The following MGARP variants were observed in gnomAD, a reference collection of about 807,000 sequenced individuals.
The protein encoded by MGARP is protein MGARP.
In MGARP, 12 loss-of-function variants were observed where a neutral mutation model predicts 11.0. The observed-to-expected ratio is 1.09, with a 90% confidence interval of 0.70 to 1.77. The LOEUF is 1.77. MGARP is among the 40% of genes most tolerant of loss of function. MGARP has a pLI of 0.00. For synonymous variants in MGARP, 110 were observed against 115.4 expected (o/e 0.95, Z 0.30); for missense variants, 283 against 297.8 (o/e 0.95, Z 0.36).
In MGARP at chr4:139,277,562, C is replaced by T. The variant is rs567432612; in HGVS notation, c.83-2170G>A. ...ACTTAAATACAAATACAATGATGGA[C>T]AAGTTACTTAAAAAGACAATGAAAT... is the stretch of plus-strand genomic sequence containing the variant. On this transcript the variant is annotated intron_variant, in intron 1 of 3. Transcript: ENST00000398955. Among the ~76,000 whole-genome samples the T allele has an allele frequency of 1.5e-4, 23 of 152,140 alleles. No individual in the cohort carries two copies. In the South Asian group the frequency reaches 4.6e-3, roughly 30 times the overall value.
At chr4:139,267,726 C>T (rs1310329562) in intron 3 of MGARP, among the ~76,000 whole-genome samples, 2 of 152,274 alleles carry the variant, frequency 1.3e-5, no homozygotes, top group African/African-American at 2.4e-5. Context: ...ATTGTCATGA[C>T]AGGTTAAAAC....
intron 2 of MGARP, 33 bp from the exon 3 acceptor site, chr4:139,268,798 T>G: frequency 6.5e-7 from 1 of 1,531,124 alleles, no homozygotes; most frequent in Non-Finnish European, 8.9e-7. Context: ...GTTTATTTCT[T>G]GAGCTTTAAG....
chr4:139,275,958 T>C (rs1744862939), intron 1 of MGARP, among the ~76,000 whole-genome samples: 1 of 152,176 alleles, frequency 6.6e-6, no homozygotes, highest in Admixed American at 6.5e-5. Flanking sequence ...TTAAGCCAAA[T>C]GTTGCAGAAA....
intron 3 of MGARP, among the ~76,000 whole-genome samples, chr4:139,267,380 A>T (rs1383736690): frequency 6.6e-6 from 1 of 152,158 alleles, no homozygotes; most frequent in East Asian, 1.9e-4. Context: ...TTGAACTTAA[A>T]AAAAAACACA....
At chr4:139,269,630 C>CAAAAAAAAAAAAAAA (rs56142345) in intron 2 of MGARP, among the ~76,000 whole-genome samples, 1 of 81,848 alleles carries the variant, frequency 1.2e-5, no homozygotes, top group Admixed American at 1.5e-4. Context: ...GACTCCATCT[C>CAAAAAAAAAAAAAAA]AAAAAAAAAA....
At chr4:139,267,291 T>C (rs1224093202) in intron 3 of MGARP, among the ~76,000 whole-genome samples, 1 of 152,138 alleles carries the variant, frequency 6.6e-6, no homozygotes, top group Non-Finnish European at 1.5e-5. Context: ...GCAAAAACTC[T>C]CCAGGAGGAT....
intron 2 of MGARP, among the ~76,000 whole-genome samples, chr4:139,269,288 A>G (rs1304377379): frequency 2.6e-5 from 4 of 152,172 alleles, no homozygotes; most frequent in Admixed American, 1.3e-4. Context: ...GGTTCACATG[A>G]AAACCTGTAC....
chr4:139,275,242 T>G, intron 2 of MGARP, 47 bp downstream of exon 2: 1 of 1,503,870 alleles, frequency 6.6e-7, no homozygotes. Context: ...TACCATGAGT[T>G]GTAAAATACA....
At chr4:139,274,319 G>T (rs907001871) in intron 2 of MGARP, among the ~76,000 whole-genome samples, 2 of 152,082 alleles carry the variant, frequency 1.3e-5, no homozygotes, top group East Asian at 1.9e-4. Context: ...ATATTGGCTT[G>T]TCAGTTTTAA....
intron 2 of MGARP, among the ~76,000 whole-genome samples, chr4:139,272,686 C>CTTTTT (rs774228171): frequency 6.3e-5 from 7 of 111,234 alleles, no homozygotes; most frequent in African/African-American, 1.5e-4. Context: ...ATTCATATTT[C>CTTTTT]TTTTTTTTTT....
chr4:139,266,903 G>A lies in MGARP; in HGVS notation c.419C>T (p.Pro140Leu). 2.5e-6 allele frequency: 4 copies of A among 1,614,160 alleles called. No homozygotes were observed. The highest frequency in any genetic ancestry group is 3.4e-6 in the Non-Finnish European group (4 of 1,180,028). ...CTCCGGAGCAGCCTCCACGTGACCT[G>A]GACAGGCAGATGCCTCTTTTATGAC... ...VVVIKEASAC[P>L]GHVEAAPETT... The change falls in exon 4 of 4, where the codon CCA (proline) becomes CTA (leucine). Residue 140 changes from proline to leucine, a missense_variant. Physicochemically the swap from Pro to Leu is moderately conservative, Grantham distance 98. Transcript: ENST00000398955.
chr4:139,279,471 T>C (rs926184193), intron 1 of MGARP, among the ~76,000 whole-genome samples: 14 of 152,140 alleles, frequency 9.2e-5, no homozygotes, highest in African/African-American at 3.4e-4. Context: ...CGCTTCCTTT[T>C]TGGGGGTTGT....
rs774810173 is a variant in MGARP at position 139,268,692 on chromosome 4, G to C, written c.260C>G (p.Ala87Gly). The C allele has an allele frequency of 1.9e-6, 3 of 1,608,484 alleles. No individual in the cohort carries two copies. Among genetic ancestry groups the C allele is most frequent in the African/African-American group, 1.3e-5 (1 of 74,904 alleles). Residue 87 changes from alanine (A) to glycine (G), a missense_variant, in exon 3 of 4, where the codon GCA becomes GGA. Ala to Gly is a moderately conservative substitution (Grantham distance 60, BLOSUM62 0). Transcript: ENST00000398955. ...TTTACCTTGAAATGGATGTATCTCTGCTTTTGTTTTTTCTTTCAAATTTGT... is the reference window on the plus strand; with the variant it reads ...TTTACCTTGAAATGGATGTATCTCTCCTTTTGTTTTTTCTTTCAAATTTGT... ...HKTNLKEKTK[A>G]EIHPFQGEKE...
Position 139,268,766 on chromosome 4 carries a change from C to T in MGARP, c.187-1G>A, listed in dbSNP as rs1744734203. Reference sequence around the variant, plus strand: ...GGTCTGATGTGACTGTCTTGTAAGCCTGAAAGTAAATGTATGCTTAGGTTT... The same window carrying T: ...GGTCTGATGTGACTGTCTTGTAAGCTTGAAAGTAAATGTATGCTTAGGTTT... On this transcript the variant is annotated splice_acceptor_variant, in intron 2 of 3. Coordinates refer to ENST00000398955, the MANE Select transcript of MGARP (RefSeq NM_032623.4). LOFTEE classifies it high-confidence loss of function. 4 of 1,600,848 alleles carry T rather than the reference C, an allele frequency of 2.5e-6. No individual in the cohort carries two copies. Among genetic ancestry groups the T allele is most frequent in the South Asian group, 2.3e-5 (2 of 88,646 alleles).
At chr4:139,275,218 G>A (rs980866902) in intron 2 of MGARP, 71 bp downstream of exon 2, 29 of 1,222,714 alleles carry the variant, frequency 2.4e-5, no homozygotes, top group South Asian at 1.3e-4. Flanking sequence ...TGATCTTGAC[G>A]TTGCTTTGAG....
At chr4:139,276,364 G>A (rs1744874086) in intron 1 of MGARP, among the ~76,000 whole-genome samples, 1 of 152,154 alleles carries the variant, frequency 6.6e-6, no homozygotes, top group South Asian at 2.1e-4. Flanking sequence ...TGTAATAAGT[G>A]TTAAGCCAAG....
Position 139,267,023 on chromosome 4 carries a change from G to C in MGARP, c.299C>G (p.Ala100Gly), listed in dbSNP as rs200850973. 3.7e-6 allele frequency: 6 copies of C among 1,613,250 alleles called. No homozygotes were observed. Among genetic ancestry groups the C allele is most frequent in the Non-Finnish European group, 5.1e-6 (6 of 1,179,652 alleles). Residue 100 changes from alanine to glycine, a missense_variant, in exon 4 of 4, where the codon GCG (alanine) becomes GGG (glycine). Coordinates refer to ENST00000398955, the MANE Select transcript of MGARP (RefSeq NM_032623.4). ...TTCTGAACTTGCTTTCTCAGTTTCC[G>C]CAACATTCTCCTTTTCACCTTTAAG... ...HPFQGEKENV[A>G]ETEKASSEAP...
chr4:139,275,199 C>A (rs557945301), intron 2 of MGARP, 90 bp downstream of exon 2: 3 of 1,006,284 alleles, frequency 3.0e-6, no homozygotes, highest in South Asian at 1.4e-5. Flanking sequence ...TTTAATTAAT[C>A]TCATGTCCTG....
At chr4:139,276,260 C>T (rs772309324) in intron 1 of MGARP, among the ~76,000 whole-genome samples, 1 of 152,118 alleles carries the variant, frequency 6.6e-6, no homozygotes, top group Admixed American at 6.6e-5. Context: ...AGAATATAAC[C>T]GTGAACAAGA....
Sources: allele counts gnomAD v4.1 joint callset (sites outside exome capture counted in the v4.1 genomes callset), GRCh38; gene constraint gnomAD v4.1.1; transcripts MANE v1.5; gene names NCBI Gene and HGNC (gene_info 2026-07-23, HGNC 2026-07-21).